BCAS1: variants seen among roughly 807,000 people sequenced by gnomAD.
BCAS1 encodes brain enriched myelin associated protein 1.
BCAS1 carries 46 observed loss-of-function variants against 65.4 expected under a neutral mutation model. The ratio of observed to expected loss-of-function variants is 0.70; its 90% confidence interval spans 0.55 to 0.90. The LOEUF is 0.90. BCAS1 is among the 40% of genes least tolerant of loss of function. The probability of loss-of-function intolerance (pLI) is 0.00; values close to 1 mark genes in which losing one functional copy is unlikely to be tolerated. For missense variants in BCAS1, 793 were observed against 771.2 expected, an observed-to-expected ratio of 1.03 and a Z score of -0.33; for synonymous variants, 298 against 293.5, an observed-to-expected ratio of 1.02 and a Z score of -0.16.
chr20:54,043,328 TGAC>T lies in BCAS1; in HGVS notation c.143-14359_143-14357del, dbSNP rs1447628925. On this transcript the variant is annotated intron_variant, in intron 3 of 12. Transcript: ENST00000688948. ...ATGATGATGATGATGATGATGATGA[TGAC>T]GATGATTTTTTTTATAGCCATCTTT... is the stretch of plus-strand genomic sequence containing the variant. 6.4e-4 allele frequency among the ~76,000 whole-genome samples: 85 copies of T among 133,422 alleles called. 1 individual carries two copies. Among genetic ancestry groups the T allele is most frequent in the African/African-American group, 2.3e-3 (80 of 35,084 alleles). 87.5% of individuals were successfully genotyped at this position (133,422 alleles called of 152,430 possible). A position where few individuals can be genotyped will look rare whatever the true frequency, so the allele number is the denominator to read the frequency against.
intron 4 of BCAS1, among the ~76,000 whole-genome samples, chr20:54,022,273 A>G (rs1392947052): frequency 1.4e-5 from 2 of 147,456 alleles, no homozygotes; most frequent in Non-Finnish European, 3.0e-5. Flanking sequence ...GTGAACCACT[A>G]TTAATTGATT....
intron 4 of BCAS1, among the ~76,000 whole-genome samples, chr20:54,015,102 G>A (rs964878591): frequency 6.0e-5 from 9 of 149,058 alleles, no homozygotes; most frequent in Non-Finnish European, 1.2e-4. Flanking sequence ...GTGCAATCTC[G>A]TCTCACTGCA....
chr20:54,059,448 C>T (rs144467493), intron 1 of BCAS1, among the ~76,000 whole-genome samples: 28 of 151,354 alleles, frequency 1.8e-4, no homozygotes, highest in African/African-American at 6.8e-4. Context: ...TTCTGATTCT[C>T]AAACTAAATT....
At chr20:54,035,265 T>C (rs1489629739) in intron 3 of BCAS1, among the ~76,000 whole-genome samples, 4 of 150,314 alleles carry the variant, frequency 2.7e-5, no homozygotes, top group African/African-American at 9.7e-5. Flanking sequence ...CCGGGTGTGG[T>C]GGCAGGCGCC....
intron 1 of BCAS1, among the ~76,000 whole-genome samples, chr20:54,069,132 A>C (rs1374488635): frequency 6.6e-6 from 1 of 152,022 alleles, no homozygotes. Context: ...TGTTGTCTTT[A>C]TTTAGGAGGA....
Position 53,953,475 on chromosome 20 carries a change from G to C in BCAS1, c.1772C>G (p.Pro591Arg). Residue 591 changes from proline to arginine, a missense_variant, in exon 12 of 13, where the codon CCT becomes CGT. By Grantham distance (103) the Pro-to-Arg change is moderately radical. Transcript: ENST00000688948. ...CCCAAGGGACTGCTGCCGCTTCTCA[G>C]GTCTCTTTTGGAGCTTGTCCCCATT... ...LQNGDKLQKR[P>R]EKRQQSLGGF... The C allele has an allele frequency of 3.1e-6, 5 of 1,614,068 alleles. No individual in the cohort carries two copies. The highest frequency in any genetic ancestry group is 3.4e-6 in the Non-Finnish European group (4 of 1,180,018).
At chr20:53,965,011 G>A (rs558913740) in intron 10 of BCAS1, among the ~76,000 whole-genome samples, 13 of 151,784 alleles carry the variant, frequency 8.6e-5, no homozygotes, top group Admixed American at 2.6e-4. Context: ...TAGATGAGTT[G>A]CCGGAAACAG....
In BCAS1 at chr20:53,985,549, T is replaced by G. The variant is rs552613214; in HGVS notation, c.1063-50A>C. The G allele has an allele frequency of 3.9e-6, 6 of 1,541,506 alleles. No homozygotes were observed. The South Asian group carries it at 6.8e-5, about 18-fold the overall frequency. ...GAAAACATTCAAAATGGTCTCAAAATTTTAAAAATGGAAGATCTCTTTTTA... is the reference window on the plus strand; with the variant it reads ...GAAAACATTCAAAATGGTCTCAAAAGTTTAAAAATGGAAGATCTCTTTTTA... On this transcript the variant is annotated intron_variant, in intron 7 of 12. Coordinates refer to ENST00000688948, the MANE Select transcript of BCAS1 (RefSeq NM_001366298.2).
chr20:53,981,789 T>C (rs2145749152), intron 8 of BCAS1, among the ~76,000 whole-genome samples: 1 of 150,346 alleles, frequency 6.7e-6, no homozygotes, highest in Middle Eastern at 3.4e-3. Context: ...ATTCCAAATA[T>C]ATCAATTATT....
chr20:54,009,236 T>C (rs1284685718), intron 4 of BCAS1, among the ~76,000 whole-genome samples: 1 of 152,006 alleles, frequency 6.6e-6, no homozygotes, highest in Non-Finnish European at 1.5e-5. Context: ...ATAACTAAAA[T>C]GGAAATTTTA....
At chr20:54,019,795 C>A (rs2091518032) in intron 4 of BCAS1, among the ~76,000 whole-genome samples, 1 of 152,228 alleles carries the variant, frequency 6.6e-6, no homozygotes, top group South Asian at 2.1e-4. Context: ...GTACTTTGGC[C>A]TTTGGACTCC....
At chr20:54,032,127 G>A (rs1028159032) in intron 3 of BCAS1, among the ~76,000 whole-genome samples, 2 of 151,288 alleles carry the variant, frequency 1.3e-5, no homozygotes, top group African/African-American at 4.8e-5. Flanking sequence ...ACTTACAGTG[G>A]ACCTCTCACT....
At chr20:53,975,311 C>G (rs2090300493) in intron 9 of BCAS1, 78 bp downstream of exon 9, 3 of 1,328,568 alleles carry the variant, frequency 2.3e-6, no homozygotes, top group East Asian at 2.3e-5. Context: ...CACAGGACCC[C>G]AGAGCTGAAA....
intron 3 of BCAS1, among the ~76,000 whole-genome samples, chr20:54,050,843 C>A (rs1480581117): frequency 6.6e-6 from 1 of 152,176 alleles, no homozygotes; most frequent in Non-Finnish European, 1.5e-5. Flanking sequence ...CAAATGTTAA[C>A]TAAATCACAT....
chr20:53,970,341 T>C (rs2090147698), intron 9 of BCAS1, among the ~76,000 whole-genome samples: 1 of 152,214 alleles, frequency 6.6e-6, no homozygotes, highest in African/African-American at 2.4e-5. Context: ...GCCAAGAAGC[T>C]GGCTTTTAGT....
intron 4 of BCAS1, among the ~76,000 whole-genome samples, chr20:54,025,086 T>G (rs2091642943): frequency 6.6e-6 from 1 of 152,196 alleles, no homozygotes; most frequent in Admixed American, 6.5e-5. Context: ...ATTGCAGGAT[T>G]TAATTACACT....
At chr20:53,986,126 C>T (rs2276505) in intron 7 of BCAS1, among the ~76,000 whole-genome samples, 6,199 of 152,234 alleles carry the variant, frequency 0.041, 520 homozygotes, top group East Asian at 0.36. Context: ...GCCCTACACT[C>T]CACAATTAAA....
chr20:54,018,235 A>G (rs1429142326), intron 4 of BCAS1, among the ~76,000 whole-genome samples: 1 of 152,072 alleles, frequency 6.6e-6, no homozygotes, highest in East Asian at 1.9e-4. Context: ...TAAACTCTGG[A>G]AGTGTTTGCT....
chr20:53,951,019 A>C (rs550823196), intron 12 of BCAS1, among the ~76,000 whole-genome samples: 5 of 152,358 alleles, frequency 3.3e-5, no homozygotes, highest in African/African-American at 1.2e-4. Flanking sequence ...GAATGACCAG[A>C]TTATTAGAAA....
Sources: gnomAD v4.1 joint callset for allele counts (sites outside exome capture counted in the v4.1 genomes callset) on GRCh38, gnomAD v4.1.1 for gene constraint, MANE v1.5 for transcripts, NCBI Gene and HGNC (gene_info 2026-07-23, HGNC 2026-07-21) for gene names.